SSH1: variants seen among roughly 807,000 people sequenced by gnomAD.
SSH1 encodes protein phosphatase Slingshot homolog 1.
In SSH1, 43 loss-of-function variants were observed where a neutral mutation model predicts 79.7. The ratio of observed to expected loss-of-function variants is 0.54; its 90% CI spans 0.42 to 0.70. The LOEUF is 0.70. Among genes scored for constraint, SSH1 ranks in the 30% least tolerant of loss-of-function variants. The pLI is 0.00. For synonymous variants in SSH1, 599 were observed against 538.3 expected (o/e 1.11, Z -1.56); for missense variants, 1,206 against 1,358.8 (o/e 0.89, Z 1.77).
At chr12:108,855,700 C>G (rs2039130169) in intron 1 of SSH1, among the ~76,000 whole-genome samples, 1 of 152,198 alleles carries the variant, frequency 6.6e-6, no homozygotes, top group Non-Finnish European at 1.5e-5. Context: ...GTGACCGGAA[C>G]AGAAAACAGC....
intron 14 of SSH1, among the ~76,000 whole-genome samples, chr12:108,790,210 G>A (rs944305159): frequency 6.6e-6 from 1 of 150,484 alleles, no homozygotes; most frequent in Non-Finnish European, 1.5e-5. Context: ...GAGTGCAATT[G>A]CGTGATCTTG....
Position 108,807,972 on chromosome 12 carries a change from G to T in SSH1, c.537-145C>A. 1 of 768,074 alleles carries T rather than the reference G, an allele frequency of 1.3e-6. No individual in the cohort carries two copies. The highest frequency in any genetic ancestry group is 2.2e-6 in the Non-Finnish European group (1 of 461,052). The allele number at this position is 768,074 out of a possible 1,614,324, so 47.6% of individuals were successfully genotyped here. On this transcript the variant is annotated intron_variant, in intron 7 of 14. Coordinates refer to ENST00000326495, the MANE Select transcript of SSH1 (RefSeq NM_018984.4). The surrounding 1 kb of genome is among the most constrained non-coding windows in gnomAD (Gnocchi z 5.2). ...TCTTTTTGGGACAGAGTCTCGCTCT[G>T]TCACTCCCAGGCTAGAGTGCAGTGG...
At chr12:108,837,913 G>C (rs1416573662) in intron 2 of SSH1, among the ~76,000 whole-genome samples, 1 of 151,922 alleles carries the variant, frequency 6.6e-6, no homozygotes, top group Non-Finnish European at 1.5e-5. Context: ...CACCCAAGTA[G>C]CTGGGACTAC....
At chr12:108,808,357 A>C (rs574418013) in intron 7 of SSH1, among the ~76,000 whole-genome samples, 15 of 152,362 alleles carry the variant, frequency 9.8e-5, no homozygotes, top group Non-Finnish European at 1.5e-4. Context: ...TCCTTGGGAC[A>C]TATTCACTGA....
chr12:108,820,427 C>T (rs1255124993), intron 3 of SSH1, among the ~76,000 whole-genome samples: 2 of 152,182 alleles, frequency 1.3e-5, no homozygotes, highest in Non-Finnish European at 2.9e-5. Context: ...TCTTCACCTG[C>T]CTGGGCCCTC....
chr12:108,853,478 T>C, intron 1 of SSH1: 2 of 385,904 alleles, frequency 5.2e-6, no homozygotes, highest in Non-Finnish European at 3.5e-6. Context: ...AAGAGAAACC[T>C]GGAAAGCTGT....
At chr12:108,848,018 G>A (rs939708751) in intron 2 of SSH1, among the ~76,000 whole-genome samples, 6 of 152,182 alleles carry the variant, frequency 3.9e-5, no homozygotes, top group South Asian at 2.1e-4. Flanking sequence ...CGTGTGTGAC[G>A]GGGGAGCAGG....
chr12:108,817,467 CAG>C (rs111699838), intron 4 of SSH1: 76,609 of 365,672 alleles, frequency 0.21, 10,972 homozygotes, highest in African/African-American at 0.44. Context: ...CCCAGCTACT[CAG>C]GGGACTGAGG....
At chr12:108,798,248 C>T (rs540833445) in intron 13 of SSH1, among the ~76,000 whole-genome samples, 13 of 152,326 alleles carry the variant, frequency 8.5e-5, no homozygotes, top group East Asian at 3.9e-4. Context: ...AGGCTGGTCT[C>T]GAACTCCTGA....
intron 13 of SSH1, among the ~76,000 whole-genome samples, chr12:108,794,860 G>A (rs77931084): frequency 6.6e-6 from 1 of 152,030 alleles, no homozygotes; most frequent in African/African-American, 2.4e-5. Flanking sequence ...CATAGATTGT[G>A]GGGGGTGGGT....
chr12:108,819,454 A>G (rs1049512447), intron 3 of SSH1, among the ~76,000 whole-genome samples: 4 of 152,226 alleles, frequency 2.6e-5, no homozygotes, highest in African/African-American at 9.6e-5. Context: ...GTGTGACTCC[A>G]AGGTTGCTTT....
At chr12:108,824,052 G>T (rs976443779) in intron 2 of SSH1, among the ~76,000 whole-genome samples, 34 of 152,326 alleles carry the variant, frequency 2.2e-4, no homozygotes, top group Admixed American at 1.2e-3. Context: ...GTTGATCTCT[G>T]CTTCTAACTC....
At chr12:108,823,658 A>G (rs963991610) in intron 2 of SSH1, among the ~76,000 whole-genome samples, 2 of 152,112 alleles carry the variant, frequency 1.3e-5, no homozygotes, top group Non-Finnish European at 2.9e-5. Context: ...TCACTGTCAT[A>G]TAACATTTTC....
rs980950474 is a variant in SSH1 at position 108,788,129 on chromosome 12, G to C, written c.3009C>G (p.Asp1003Glu). ...ATTCACTCAAAGTGGTGTCCTGGGAGTCAGCGACGGTGGACGGGTCAGCCT... is the reference window on the plus strand; with the variant it reads ...ATTCACTCAAAGTGGTGTCCTGGGACTCAGCGACGGTGGACGGGTCAGCCT... ...SSEADPSTVA[D>E]SQDTTLSESS... The change falls in exon 15 of 15, where the codon GAC (aspartate) becomes GAG (glutamate). Residue 1003 changes from aspartate (D) to glutamate (E), a missense_variant. Asp to Glu is a conservative substitution (Grantham distance 45). This residue lies in a region of SSH1 where 709 missense variants were observed against 730.6 expected (regional missense o/e 0.97). Transcript: ENST00000326495. 3.1e-6 allele frequency: 5 copies of C among 1,614,082 alleles called. No homozygotes were observed. The highest frequency in any genetic ancestry group is 4.2e-6 in the Non-Finnish European group (5 of 1,180,036).
intron 14 of SSH1, 173 bp downstream of exon 14, chr12:108,792,113 G>T (rs2036527556): frequency 6.8e-7 from 1 of 1,473,378 alleles, no homozygotes; most frequent in Non-Finnish European, 9.0e-7. Flanking sequence ...CCCTGTGAAA[G>T]AACCCTCAGG....
At chr12:108,797,935 A>G (rs752990146) in intron 13 of SSH1, among the ~76,000 whole-genome samples, 1 of 152,238 alleles carries the variant, frequency 6.6e-6, no homozygotes, top group South Asian at 2.1e-4. Flanking sequence ...ACGATGAAGC[A>G]AAGGGCCCAC....
chr12:108,795,743 C>A (rs917140108), intron 13 of SSH1, among the ~76,000 whole-genome samples: 1 of 151,788 alleles, frequency 6.6e-6, no homozygotes, highest in Non-Finnish European at 1.5e-5. Flanking sequence ...ACCTGTAGTC[C>A]CAGCTGTTTG....
chr12:108,818,645 A>G (rs1019660149), intron 3 of SSH1, among the ~76,000 whole-genome samples: 2 of 152,232 alleles, frequency 1.3e-5, no homozygotes, highest in African/African-American at 2.4e-5. Context: ...ATTCAAGCCA[A>G]TGTTACTCGG....
chr12:108,855,397 G>A (rs2039124265), intron 1 of SSH1, among the ~76,000 whole-genome samples: 1 of 152,146 alleles, frequency 6.6e-6, no homozygotes, highest in Non-Finnish European at 1.5e-5. Flanking sequence ...TTTTGGGGAG[G>A]ATGAAAATGT....
Sources: gnomAD v4.1 joint callset for allele counts (sites outside exome capture counted in the v4.1 genomes callset) on GRCh38, gnomAD v4.1.1 for gene constraint, gnomAD v4.1.1 regional missense constraint, Gnocchi (gnomAD v3.1) non-coding constraint, MANE v1.5 for transcripts, NCBI Gene and HGNC (gene_info 2026-07-23, HGNC 2026-07-21) for gene names.